Variants in TBC1D22A observed in about 807,000 individuals in gnomAD.
TBC1D22A encodes the protein TBC1 domain family member 22A, also known as putative GTPase activator.
In TBC1D22A, 38 loss-of-function variants were observed where a neutral mutation model predicts 60.2. The observed-to-expected ratio is 0.63, with a 90% CI of 0.49 to 0.83. The LOEUF is 0.83. TBC1D22A is among the 40% of genes least tolerant of loss of function. TBC1D22A has a pLI of 0.00. For synonymous variants in TBC1D22A, 302 were observed against 281.7 expected (o/e 1.07, Z -0.72); for missense variants, 628 against 701.0 (o/e 0.90, Z 1.18).
intron 11 of TBC1D22A, among the ~76,000 whole-genome samples, chr22:47,050,309 G>T (rs1000480002): frequency 6.6e-6 from 1 of 152,196 alleles, no homozygotes; most frequent in Non-Finnish European, 1.5e-5. Context: ...CTGGCCGAGA[G>T]GGGGCATTTC....
chr22:47,054,586 A>G (rs907120766), intron 11 of TBC1D22A, among the ~76,000 whole-genome samples: 2 of 152,196 alleles, frequency 1.3e-5, no homozygotes, highest in Non-Finnish European at 2.9e-5. Flanking sequence ...GCTCATTGCT[A>G]TTCCAGCCAC....
At chr22:46,874,697 C>A (rs1370105757) in intron 4 of TBC1D22A, among the ~76,000 whole-genome samples, 1 of 149,918 alleles carries the variant, frequency 6.7e-6, no homozygotes, top group Admixed American at 6.7e-5. Flanking sequence ...CCTTAGCCTC[C>A]CAAGTAGCTG....
chr22:47,079,488 C>T (rs1195782577), intron 11 of TBC1D22A, among the ~76,000 whole-genome samples: 1 of 152,180 alleles, frequency 6.6e-6, no homozygotes, highest in Non-Finnish European at 1.5e-5. Flanking sequence ...TAGAAAATAG[C>T]ATTTATAATA....
chr22:46,887,335 G>A (rs1333669419), intron 5 of TBC1D22A, among the ~76,000 whole-genome samples: 2 of 152,230 alleles, frequency 1.3e-5, no homozygotes, highest in African/African-American at 2.4e-5. Flanking sequence ...TGTTGGCAAG[G>A]ATGTAGGACA....
At chr22:47,079,084 C>CATTTTTTTTTTTTTTTTTTTTTTT (rs1556117651) in intron 11 of TBC1D22A, among the ~76,000 whole-genome samples, 1 of 124,962 alleles carries the variant, frequency 8.0e-6, no homozygotes, top group Non-Finnish European at 1.6e-5. Context: ...GTAGAGCAGA[C>CATTTTTTTTTTTTTTTTTTTTTTT]TTTTTTTTTT....
At chr22:47,044,183 T>C (rs2062954990) in intron 11 of TBC1D22A, among the ~76,000 whole-genome samples, 1 of 152,170 alleles carries the variant, frequency 6.6e-6, no homozygotes, top group Non-Finnish European at 1.5e-5. Context: ...ACCCTTCTGC[T>C]CTGTGCCTCT....
At chr22:47,083,392 CA>C (rs2064552975) in intron 11 of TBC1D22A, among the ~76,000 whole-genome samples, 1 of 151,426 alleles carries the variant, frequency 6.6e-6, no homozygotes, top group Non-Finnish European at 1.5e-5. Context: ...CGAGTCAAAA[CA>C]TGAACCCAAA....
intron 11 of TBC1D22A, among the ~76,000 whole-genome samples, chr22:47,089,321 A>G (rs1005416413): frequency 6.6e-5 from 10 of 152,246 alleles, no homozygotes; most frequent in African/African-American, 2.4e-4. Flanking sequence ...TTGCTTTAGA[A>G]TAACCTAGCA....
intron 11 of TBC1D22A, among the ~76,000 whole-genome samples, chr22:47,037,907 T>C (rs1273351311): frequency 6.6e-6 from 1 of 152,138 alleles, no homozygotes; most frequent in African/African-American, 2.4e-5. Flanking sequence ...TTGAGTTACA[T>C]ATAATAAAGA....
At chr22:46,776,444 C>T (rs1340458326) in intron 1 of TBC1D22A, among the ~76,000 whole-genome samples, 2 of 151,652 alleles carry the variant, frequency 1.3e-5, no homozygotes, top group Non-Finnish European at 2.9e-5. Context: ...GCTGCGGCTG[C>T]GTGGTGGGAT....
chr22:47,032,397 C>T (rs9615114), intron 10 of TBC1D22A, among the ~76,000 whole-genome samples: 4,547 of 152,350 alleles, frequency 0.03, 112 homozygotes, highest in South Asian at 0.086. Flanking sequence ...GTCCCACCCA[C>T]ACCAGGTCCC....
intron 1 of TBC1D22A, among the ~76,000 whole-genome samples, chr22:46,770,561 G>T (rs1470762062): frequency 6.6e-6 from 1 of 152,248 alleles, no homozygotes; most frequent in African/African-American, 2.4e-5. Context: ...CCTGCACTTG[G>T]ATGTGGGCAG....
rs145493295 is a variant in TBC1D22A, at chr22:46,790,393, G to A, written c.63-2127G>A. ...CCCAGGATGGTCTCCCACCTCATTC[G>A]TATTCTTAATTGCATCTGCAAAGTC... On this transcript the variant is annotated intron_variant, in intron 1 of 12. Coordinates refer to ENST00000337137, the MANE Select transcript of TBC1D22A (RefSeq NM_014346.5). 1.3e-4 allele frequency among the ~76,000 whole-genome samples: 20 copies of A among 152,316 alleles called. No individual in the cohort carries two copies. In the East Asian group the frequency reaches 2.3e-3, roughly 18 times the overall value.
chr22:47,071,627 T>C (rs1361015756), intron 11 of TBC1D22A, among the ~76,000 whole-genome samples: 1 of 152,244 alleles, frequency 6.6e-6, no homozygotes, highest in Non-Finnish European at 1.5e-5. Context: ...TTCCATTCTT[T>C]CCTTTTAAAC....
chr22:47,103,018 A>G (rs1334075319), intron 11 of TBC1D22A, among the ~76,000 whole-genome samples: 2 of 152,112 alleles, frequency 1.3e-5, no homozygotes, highest in East Asian at 3.9e-4. Flanking sequence ...TTTAAAAGGA[A>G]AGACACACAT....
intron 4 of TBC1D22A, among the ~76,000 whole-genome samples, chr22:46,847,989 G>A (rs560223237): frequency 2.0e-4 from 30 of 151,732 alleles, no homozygotes; most frequent in East Asian, 7.8e-4. Flanking sequence ...GTAAATACCC[G>A]GAGGGAAGAC....
chr22:47,045,873 G>A (rs182127970), intron 11 of TBC1D22A, among the ~76,000 whole-genome samples: 1 of 152,120 alleles, frequency 6.6e-6, no homozygotes, highest in Non-Finnish European at 1.5e-5. Flanking sequence ...CCTTCAGGTG[G>A]CTGCAGCCTT....
chr22:47,110,068 C>T (rs970996980), intron 11 of TBC1D22A, among the ~76,000 whole-genome samples: 1 of 152,200 alleles, frequency 6.6e-6, no homozygotes, highest in Non-Finnish European at 1.5e-5. Context: ...CTGCTCGCCT[C>T]GTTCTGCGGT....
intron 10 of TBC1D22A, among the ~76,000 whole-genome samples, chr22:47,016,857 G>GCTGTTGTGCTCCTCAGAGTC (rs368514686): frequency 0.024 from 3,690 of 152,302 alleles, 118 homozygotes; most frequent in African/African-American, 0.075. Flanking sequence ...CTGCTGCGTG[G>GCTGTTGTGCTCCTCAGAGTC]CTGTTGTGCT....
Sources: gnomAD v4.1 joint callset for allele counts (sites outside exome capture counted in the v4.1 genomes callset) on GRCh38, gnomAD v4.1.1 for gene constraint, MANE v1.5 for transcripts, NCBI Gene and HGNC (gene_info 2026-07-23, HGNC 2026-07-21) for gene names.